The following PTCH1 variants were observed in gnomAD, a reference collection of about 807,000 sequenced individuals.
PTCH1 encodes the protein protein patched homolog 1.
PTCH1 carries 14 observed loss-of-function variants against 144.6 expected under a neutral mutation model. That is an observed-to-expected ratio of 0.10 (90% CI 0.06 to 0.15). The LOEUF is 0.15. Ranked by LOEUF, PTCH1 falls within the 10% of genes least tolerant of loss-of-function variation. The probability of loss-of-function intolerance (pLI) is 1.00; values close to 1 mark genes in which losing one functional copy is unlikely to be tolerated. For missense variants in PTCH1, 1,623 were observed against 1,948.3 expected, an observed-to-expected ratio of 0.83 and a Z score of 3.14; for synonymous variants, 833 against 793.6, an observed-to-expected ratio of 1.05 and a Z score of -0.83.
intron 6 of PTCH1, 130 bp from the exon 7 acceptor site, chr9:95,480,220 T>C (rs1314470636): frequency 2.0e-6 from 3 of 1,536,712 alleles, no homozygotes; most frequent in Non-Finnish European, 2.7e-6. Context: ...GGGAGGTGTA[T>C]GGCAAATCTT....
intron 16 of PTCH1, 36 bp from the exon 17 acceptor site, chr9:95,459,819 G>T: frequency 6.2e-7 from 1 of 1,608,040 alleles, no homozygotes. Flanking sequence ...CTTTGAGAAT[G>T]GGGTTGGGGG....
At chr9:95,494,153 G>A (rs1842636993) in intron 2 of PTCH1, 50 of 965,814 alleles carry the variant, frequency 5.2e-5, no homozygotes, top group Non-Finnish European at 6.0e-5. Flanking sequence ...GTTCTGCAAC[G>A]CGCATGCGCC....
chr9:95,507,285 C>G, intron 1 of PTCH1: 1 of 985,490 alleles, frequency 1.0e-6, no homozygotes, highest in Non-Finnish European at 1.2e-6. Context: ...CCTCTCCCTT[C>G]CTTTCTGGTT....
intron 2 of PTCH1, among the ~76,000 whole-genome samples, chr9:95,504,564 C>T (rs1033339670): frequency 5.9e-5 from 9 of 152,018 alleles, no homozygotes; most frequent in African/African-American, 2.2e-4. Flanking sequence ...GTGCTCATGC[C>T]CTATTCTGTC....
intron 9 of PTCH1, 126 bp from the exon 10 acceptor site, chr9:95,477,828 T>C (rs529507358): frequency 1.4e-6 from 2 of 1,477,068 alleles, no homozygotes; most frequent in African/African-American, 1.4e-5. Flanking sequence ...AACAAAACTT[T>C]ACATCAAGGG....
At chr9:95,475,380 TG>T (rs1840935544) in intron 12 of PTCH1, among the ~76,000 whole-genome samples, 1 of 151,998 alleles carries the variant, frequency 6.6e-6, no homozygotes, top group South Asian at 2.1e-4. Flanking sequence ...TGAGTCTGCT[TG>T]GGCAGCCTGA....
chr9:95,496,691 G>C (rs1327186244), intron 2 of PTCH1, among the ~76,000 whole-genome samples: 1 of 151,888 alleles, frequency 6.6e-6, no homozygotes, highest in Non-Finnish European at 1.5e-5. Context: ...TTTTTTTCTG[G>C]ATCATGTGTA....
At chr9:95,467,446 G>A (rs1328748404) in intron 14 of PTCH1, 21 bp from the exon 15 acceptor site, 13 of 1,611,942 alleles carry the variant, frequency 8.1e-6, no homozygotes, top group Non-Finnish European at 1.1e-5. Context: ...AGAGGCACAA[G>A]GTCAGACCCC....
At chr9:95,448,593 A>C (rs1287089264) in intron 22 of PTCH1, among the ~76,000 whole-genome samples, 1 of 152,238 alleles carries the variant, frequency 6.6e-6, no homozygotes, top group East Asian at 1.9e-4. Context: ...AAGTATTTAG[A>C]CAATAATAAT....
rs536893060 is a variant in PTCH1 at position 95,492,713 on chromosome 9, G to A, written c.395-6839C>T. 1.2e-3 allele frequency among the ~76,000 whole-genome samples: 180 copies of A among 151,618 alleles called. 1 individual carries two copies. The highest frequency in any genetic ancestry group is 3.7e-3 in the African/African-American group (151 of 41,328). On this transcript the variant is annotated intron_variant, in intron 2 of 23. Transcript: ENST00000331920. Reference sequence around the variant, plus strand: ...ATAAGGGATACTCAACCTGTATTACGCTCACAGCTAGAATTTTAGAATGCG... The same window carrying A: ...ATAAGGGATACTCAACCTGTATTACACTCACAGCTAGAATTTTAGAATGCG...
rs1837607384 is a variant in PTCH1 at position 95,443,055 on chromosome 9, G to T, written c.*3338C>A. 6.6e-6 allele frequency: 1 copy of T among 152,190 alleles called. No homozygotes were observed. The highest frequency in any genetic ancestry group is 2.4e-5 in the African/African-American group (1 of 41,422). The allele number at this position is 152,190 out of a possible 1,614,324, so 9.4% of individuals were successfully genotyped here. ...TAAGGGAAATAAGTATGCTAAGAGA[G>T]ATGACAGAAGGACTAATTTTGATGG... On this transcript the variant is annotated 3_prime_UTR_variant, in exon 24 of 24. Transcript: ENST00000331920.
At chr9:95,506,681 G>GCGCGCACCCGCCCGCT in intron 1 of PTCH1, 82 bp from the exon 2 acceptor site, 4 of 1,151,832 alleles carry the variant, frequency 3.5e-6, no homozygotes, top group Non-Finnish European at 4.6e-6. Context: ...CACCCGCCCG[G>GCGCGCACCCGCCCGCT]TGAGCCCCCA....
intron 12 of PTCH1, among the ~76,000 whole-genome samples, chr9:95,475,334 GC>G (rs564356346): frequency 7.4e-4 from 113 of 152,274 alleles, no homozygotes; most frequent in African/African-American, 2.7e-3. Context: ...GTCACGAGGG[GC>G]CCACGTGCTC....
At chr9:95,500,449 C>T (rs1300545681) in intron 2 of PTCH1, among the ~76,000 whole-genome samples, 1 of 152,162 alleles carries the variant, frequency 6.6e-6, no homozygotes, top group Admixed American at 6.5e-5. Context: ...TAATAAATAC[C>T]TATAAACATA....
chr9:95,469,490 G>T (rs1291867221), intron 13 of PTCH1, among the ~76,000 whole-genome samples: 1 of 152,162 alleles, frequency 6.6e-6, no homozygotes, highest in Non-Finnish European at 1.5e-5. Flanking sequence ...TTCTAGATGG[G>T]TGTTTTTCAA....
At position 95,476,093 on chromosome 9, in the gene PTCH1, T is replaced by C. The variant is rs772312984; in HGVS notation, c.1669A>G (p.Thr557Ala). The change falls in exon 12 of 24, where the codon ACA becomes GCA. Residue 557 changes from threonine (T) to alanine (A), a missense_variant. Physicochemically the swap from Thr to Ala is moderately conservative, Grantham distance 58. Around this residue, in one of 7 missense-constraint regions of PTCH1, gnomAD observed 135 missense variants for 228.7 expected, o/e 0.59. Transcript: ENST00000331920. This position sits in a 1 kb window ranked among gnomAD's most constrained non-coding sequence, Gnocchi z 4.6. ...SVALTSISNV[T>A]AFFMAALIPI... ...ATTAACGCGGCCATGAAGAAGGCTGTGACATTGCTGATGGACGTGAGGGCC... is the reference window on the plus strand; with the variant it reads ...ATTAACGCGGCCATGAAGAAGGCTGCGACATTGCTGATGGACGTGAGGGCC... The C allele has an allele frequency of 1.9e-6, 3 of 1,613,640 alleles. No homozygotes were observed. The highest frequency in any genetic ancestry group is 2.2e-5 in the South Asian group (2 of 91,030).
intron 2 of PTCH1, among the ~76,000 whole-genome samples, chr9:95,504,974 C>T (rs185259343): frequency 1.3e-5 from 2 of 152,284 alleles, no homozygotes; most frequent in East Asian, 3.9e-4. Flanking sequence ...TTTTATCTAC[C>T]AGTGATACTG....
rs1490606373 is a variant in PTCH1, at chr9:95,443,333, AAC to A, written c.*3058_*3059del. The stretch of plus-strand genomic sequence containing the variant: ...TGTCACAAGGTCAGCAAGATGAAAC[AAC>A]AGTTTCTGATGGCTCCAACACTAAC... On this transcript the variant is annotated 3_prime_UTR_variant, in exon 24 of 24. Transcript: ENST00000331920. 1 of 152,440 alleles carries A rather than the reference AAC, an allele frequency of 6.6e-6. No individual in the cohort carries two copies. Among genetic ancestry groups the A allele is most frequent in the African/African-American group, 2.4e-5 (1 of 41,456 alleles). 9.4% of individuals were successfully genotyped at this position (152,440 alleles called of 1,614,324 possible). A position where few individuals can be genotyped will look rare whatever the true frequency, so the allele number is the denominator to read the frequency against.
chr9:95,453,704 T>C, intron 19 of PTCH1, 84 bp from the exon 20 acceptor site: 1 of 1,555,586 alleles, frequency 6.4e-7, no homozygotes, highest in Admixed American at 1.7e-5. Context: ...TTACAAGCTC[T>C]CAGAACTGCT....
Sources: allele counts gnomAD v4.1 joint callset (sites outside exome capture counted in the v4.1 genomes callset), GRCh38; gene constraint gnomAD v4.1.1; regional missense constraint gnomAD v4.1.1; non-coding constraint Gnocchi (gnomAD v3.1); transcripts MANE v1.5; gene names NCBI Gene and HGNC (gene_info 2026-07-23, HGNC 2026-07-21).